The following CCDC7 variants were observed in gnomAD, a reference collection of about 807,000 sequenced individuals.
CCDC7 encodes the protein coiled-coil domain containing 7.
CCDC7 carries 183 observed loss-of-function variants against 196.9 expected under a neutral mutation model. The observed-to-expected ratio is 0.93, with a 90% CI of 0.82 to 1.05. The LOEUF (loss-of-function observed/expected upper bound fraction) is 1.05. Ranked by LOEUF, CCDC7 falls within the 50% of genes least tolerant of loss-of-function variation. CCDC7 has a pLI of 0.00. For missense variants in CCDC7, 1,540 were observed against 1,482.2 expected (o/e 1.04, Z -0.64); for synonymous variants, 525 against 484.6 (o/e 1.08, Z -1.10).
chr10:32,468,428 C>G (rs1396010995), intron 5 of CCDC7, among the ~76,000 whole-genome samples: 1 of 152,130 alleles, frequency 6.6e-6, no homozygotes, highest in Non-Finnish European at 1.5e-5. Flanking sequence ...TGTACATTGA[C>G]TTTGTATCTT....
At chr10:32,639,162 G>A (rs998761582) in intron 20 of CCDC7, among the ~76,000 whole-genome samples, 17 of 151,890 alleles carry the variant, frequency 1.1e-4, no homozygotes, top group African/African-American at 4.1e-4. Flanking sequence ...TATCAATTTT[G>A]TTGATCTTTT....
intron 9 of CCDC7, chr10:32,511,190 T>G (rs2046057100): frequency 1.6e-6 from 1 of 610,032 alleles, no homozygotes; most frequent in African/African-American, 2.0e-5. Context: ...TTTACATATT[T>G]ACTGTGAATT....
intron 20 of CCDC7, among the ~76,000 whole-genome samples, 187 bp from the exon 22 acceptor site, chr10:32,663,867 A>G (rs1250000986): frequency 3.9e-5 from 6 of 151,946 alleles, no homozygotes; most frequent in African/African-American, 9.7e-5. Flanking sequence ...TAATGAGACT[A>G]CTTCACCTCA....
At chr10:32,554,963 T>A (rs1293100443) in intron 13 of CCDC7, among the ~76,000 whole-genome samples, 3 of 152,218 alleles carry the variant, frequency 2.0e-5, no homozygotes, top group Non-Finnish European at 4.4e-5. Flanking sequence ...GTGAAGTTTG[T>A]CTTTCTGTGC....
At chr10:32,645,369 A>G (rs1267387249) in intron 20 of CCDC7, among the ~76,000 whole-genome samples, 1 of 152,088 alleles carries the variant, frequency 6.6e-6, no homozygotes, top group Non-Finnish European at 1.5e-5. Flanking sequence ...CCTGATATGA[A>G]TCCCACTCGA....
chr10:32,700,214 C>G (rs1327450383), intron 24 of CCDC7, among the ~76,000 whole-genome samples: 2 of 149,284 alleles, frequency 1.3e-5, no homozygotes, highest in Non-Finnish European at 2.9e-5. Flanking sequence ...TTTAATCGAT[C>G]TTGAATTAAT....
At chr10:32,454,645 T>G (rs1300535880) in intron 2 of CCDC7, among the ~76,000 whole-genome samples, 1 of 152,164 alleles carries the variant, frequency 6.6e-6, no homozygotes, top group Non-Finnish European at 1.5e-5. Flanking sequence ...TCTCCAATAC[T>G]GACAAAATTG....
chr10:32,827,014 T>C (rs1433659955), intron 32 of CCDC7, among the ~76,000 whole-genome samples: 1 of 152,202 alleles, frequency 6.6e-6, no homozygotes, highest in Non-Finnish European at 1.5e-5. Context: ...CTCTGAATGG[T>C]CAAAAACTGT....
At chr10:32,485,332 G>A (rs866066767) in intron 8 of CCDC7, among the ~76,000 whole-genome samples, 2 of 152,186 alleles carry the variant, frequency 1.3e-5, no homozygotes, top group African/African-American at 2.4e-5. Context: ...TGTAGGATTG[G>A]TGGTGATATC....
At chr10:32,444,943 T>G (rs2030623299), upstream of CCDC7, among the ~76,000 whole-genome samples, 1 of 151,122 alleles carries the variant, frequency 6.6e-6, no homozygotes, top group South Asian at 2.1e-4. Context: ...AACCTCCACC[T>G]CCTGGGTTCA....
intron 40 of CCDC7, 118 bp from the exon 42 acceptor site, chr10:32,854,282 C>A: frequency 1.6e-6 from 1 of 628,056 alleles, no homozygotes; most frequent in Non-Finnish European, 2.7e-6. Context: ...ATCTAAATTA[C>A]TGAAAAAAAG....
At chr10:32,740,507 T>C (rs900372588) in intron 28 of CCDC7, among the ~76,000 whole-genome samples, 2 of 152,162 alleles carry the variant, frequency 1.3e-5, no homozygotes, top group Non-Finnish European at 2.9e-5. Flanking sequence ...CCACTTTTCA[T>C]ATACAAGTTC....
rs1031763030 is a variant in CCDC7 at position 32,499,162 on chromosome 10, A to G, written c.872+7165A>G. On this transcript the variant is annotated intron_variant, in intron 9 of 41. Coordinates refer to ENST00000639629, the Ensembl canonical transcript of CCDC7. ...GAAAAAATGAAGACAAAAGAAACATAAAATGAACATATGGCCTTTTCCATG... is the reference window on the plus strand; with the variant it reads ...GAAAAAATGAAGACAAAAGAAACATGAAATGAACATATGGCCTTTTCCATG... The G allele has an allele frequency of 2.6e-5, 4 of 151,748 alleles. No homozygotes were observed. In the South Asian group the frequency reaches 8.3e-4, roughly 32 times the overall value. 9.4% of individuals were successfully genotyped at this position (151,748 alleles called of 1,614,324 possible). A position where few individuals can be genotyped will look rare whatever the true frequency, so the allele number is the denominator to read the frequency against.
At chr10:32,577,702 C>T (rs867192116) in intron 16 of CCDC7, among the ~76,000 whole-genome samples, 103 of 152,260 alleles carry the variant, frequency 6.8e-4, no homozygotes, top group African/African-American at 2.2e-3. Flanking sequence ...TTTAAAACAG[C>T]AGAGGGATCT....
intron 11 of CCDC7, among the ~76,000 whole-genome samples, chr10:32,532,858 T>TCA (rs2049893505): frequency 6.6e-6 from 1 of 152,092 alleles, no homozygotes; most frequent in Admixed American, 6.6e-5. Flanking sequence ...GCTGTGTGTG[T>TCA]CTTTAGGGTT....
intron 9 of CCDC7, among the ~76,000 whole-genome samples, chr10:32,495,270 T>G (rs564483506): frequency 6.6e-6 from 1 of 152,310 alleles, no homozygotes; most frequent in South Asian, 2.1e-4. Flanking sequence ...GTTTAAATTC[T>G]TTGTAGATTC....
chr10:32,473,383 C>G (rs1278261539), intron 7 of CCDC7, among the ~76,000 whole-genome samples: 1 of 152,058 alleles, frequency 6.6e-6, no homozygotes, highest in East Asian at 1.9e-4. Context: ...GAGTAAGAAG[C>G]AATATATAGG....
At chr10:32,716,924 C>T (rs2081684651) in intron 25 of CCDC7, among the ~76,000 whole-genome samples, 1 of 152,228 alleles carries the variant, frequency 6.6e-6, no homozygotes, top group Non-Finnish European at 1.5e-5. Flanking sequence ...TAGACTCCCA[C>T]ACAATAATAG....
At chr10:32,581,219 A>T (rs931778316) in intron 16 of CCDC7, among the ~76,000 whole-genome samples, 1 of 152,190 alleles carries the variant, frequency 6.6e-6, no homozygotes, top group Admixed American at 6.5e-5. Flanking sequence ...GTATTTAGAC[A>T]TGGAGTGATT....
Sources: gnomAD v4.1 joint callset for allele counts (sites outside exome capture counted in the v4.1 genomes callset) on GRCh38, gnomAD v4.1.1 for gene constraint, MANE v1.5 for transcripts, NCBI Gene and HGNC (gene_info 2026-07-23, HGNC 2026-07-21) for gene names.